Variants in PHKG1 observed in about 807,000 individuals in gnomAD.
PHKG1 encodes the protein phosphorylase b kinase gamma catalytic chain, skeletal muscle/heart isoform.
A neutral mutation model predicts 50.5 loss-of-function variants in PHKG1; 48 were observed. That is an observed-to-expected ratio of 0.95 (90% CI 0.75 to 1.21). The LOEUF (loss-of-function observed/expected upper bound fraction) is 1.21. PHKG1 is among the 50% of genes most tolerant of loss of function. The pLI is 0.00. For missense variants in PHKG1, 487 were observed against 519.5 expected (o/e 0.94, Z 0.61); for synonymous variants, 204 against 212.8 (o/e 0.96, Z 0.36).
intron 4 of PHKG1, among the ~76,000 whole-genome samples, chr7:56,086,248 G>A (rs887321203): frequency 2.6e-5 from 4 of 151,902 alleles, no homozygotes; most frequent in Non-Finnish European, 5.9e-5. Flanking sequence ...ACCCCCAGTG[G>A]ATGCCTGAAA....
intron 4 of PHKG1, among the ~76,000 whole-genome samples, chr7:56,086,143 C>G (rs1447536873): frequency 6.6e-6 from 1 of 151,600 alleles, no homozygotes; most frequent in African/African-American, 2.4e-5. Flanking sequence ...CCTGACCACT[C>G]GGTCTAAGGA....
At chr7:56,082,140 T>G in intron 7 of PHKG1, 23 bp downstream of exon 7, 3 of 1,611,822 alleles carry the variant, frequency 1.9e-6, no homozygotes, top group Non-Finnish European at 1.7e-6. Context: ...AGCTGGGTGC[T>G]CCTCCTTTCC....
At chr7:56,087,096 C>G in intron 3 of PHKG1, 72 bp from the exon 4 acceptor site, 1 of 1,173,040 alleles carries the variant, frequency 8.5e-7, no homozygotes, top group Non-Finnish European at 1.3e-6. Flanking sequence ...GCACGGGGGT[C>G]AGGGACCGAG....
chr7:56,082,281 G>A (rs1796042155), intron 6 of PHKG1, 28 bp from the exon 7 acceptor site: 1 of 1,565,044 alleles, frequency 6.4e-7, no homozygotes, highest in Non-Finnish European at 8.8e-7. Flanking sequence ...ATCAGGGCAG[G>A]TCAGCAGGGC....
intron 4 of PHKG1, chr7:56,083,999 CT>C (rs1796142735): frequency 1.6e-6 from 1 of 615,512 alleles, no homozygotes; most frequent in Admixed American, 2.9e-5. Flanking sequence ...AATTTTTCCC[CT>C]GGAAAAATTT....
chr7:56,089,013 A>G (rs1796387458), intron 1 of PHKG1, 38 bp from the exon 2 acceptor site: 1 of 996,192 alleles, frequency 1.0e-6, no homozygotes, highest in Non-Finnish European at 1.6e-6. Flanking sequence ...AGCCTTCCTG[A>G]CCCAGGGGCT....
At chr7:56,085,996 T>C (rs1457154890) in intron 4 of PHKG1, among the ~76,000 whole-genome samples, 1 of 147,468 alleles carries the variant, frequency 6.8e-6, no homozygotes, top group Non-Finnish European at 1.5e-5. Flanking sequence ...AAAAAGTAAA[T>C]CAGATCATGT....
At chr7:56,087,075 G>A (rs1204651492) in intron 3 of PHKG1, 51 bp from the exon 4 acceptor site, 1 of 1,423,236 alleles carries the variant, frequency 7.0e-7, no homozygotes, top group Non-Finnish European at 9.9e-7. Context: ...GCCCAGGCAG[G>A]GGCAGCCGGG....
intron 4 of PHKG1, among the ~76,000 whole-genome samples, chr7:56,085,241 G>A (rs937783967): frequency 2.0e-5 from 3 of 152,010 alleles, no homozygotes; most frequent in African/African-American, 7.2e-5. Flanking sequence ...GATTACAGGG[G>A]TGAACCACCA....
chr7:56,086,327 TAA>T (rs933277519), intron 4 of PHKG1, among the ~76,000 whole-genome samples: 4 of 152,044 alleles, frequency 2.6e-5, no homozygotes, highest in African/African-American at 7.2e-5. Context: ...ATGAAGTTTA[TAA>T]GTTAGGCACA....
At chr7:56,084,109 G>C in intron 4 of PHKG1, 1 of 1,121,184 alleles carries the variant, frequency 8.9e-7, no homozygotes, top group Non-Finnish European at 1.3e-6. Context: ...AGTGACCAGG[G>C]AAGCAATGGG....
rs369534140 is a variant in PHKG1, at chr7:56,081,012, C to T, written c.*42G>A. The stretch of plus-strand genomic sequence containing the variant: ...TTTGACTTGTATTTCCATGGCTTCC[C>T]CTCCCCACCTGCCCCCTAGCCCTCC... On this transcript the variant is annotated 3_prime_UTR_variant, in exon 10 of 10. Coordinates refer to ENST00000297373, the MANE Select transcript of PHKG1 (RefSeq NM_006213.5). The surrounding 1 kb of genome is among the most constrained non-coding windows in gnomAD (Gnocchi z 4.6). 39 of 1,606,088 alleles carry T rather than the reference C, an allele frequency of 2.4e-5. No homozygotes were observed. The Middle Eastern group carries it at 6.7e-4, about 28-fold the overall frequency.
intron 4 of PHKG1, 90 bp downstream of exon 4, chr7:56,086,880 G>C: frequency 3.2e-6 from 3 of 947,756 alleles, no homozygotes; most frequent in Non-Finnish European, 5.2e-6. Context: ...GCAGGAGCTG[G>C]CTGTGGTCTC....
chr7:56,090,325 G>A (rs943533199), intron 1 of PHKG1, among the ~76,000 whole-genome samples: 63 of 151,574 alleles, frequency 4.2e-4, no homozygotes, highest in African/African-American at 1.5e-3. Context: ...CATGTTGGCC[G>A]GGATGGTCTC....
Position 56,081,239 on chromosome 7 carries a change from G to C in PHKG1, c.979C>G (p.Pro327Ala), listed in dbSNP as rs566122392. ...CGGATGACGATCTCCCGGGTCACAG[G>C]CTTCACCCGGCGGTACTGGTAGTAG... is the stretch of plus-strand genomic sequence containing the variant. ...RIYYQYRRVK[P>A]VTREIVIRDP... Residue 327 changes from proline (P) to alanine (A), a missense_variant, in exon 10 of 10, where the codon CCT (proline) becomes GCT (alanine). Transcript: ENST00000297373. The surrounding 1 kb of genome is among the most constrained non-coding windows in gnomAD (Gnocchi z 4.6). The C allele has an allele frequency of 5.6e-6, 9 of 1,613,400 alleles. No individual in the cohort carries two copies. The East Asian group carries it at 6.7e-5, about 12-fold the overall frequency.
intron 5 of PHKG1, 26 bp downstream of exon 5, chr7:56,083,624 G>A (rs757507950): frequency 4.9e-5 from 77 of 1,561,874 alleles, no homozygotes; most frequent in East Asian, 1.2e-4. Flanking sequence ...GGGAGGGAGC[G>A]GAGAGAAGGG....
At chr7:56,091,328 A>G (rs997752539) in intron 1 of PHKG1, among the ~76,000 whole-genome samples, 1 of 152,120 alleles carries the variant, frequency 6.6e-6, no homozygotes, top group African/African-American at 2.4e-5. Flanking sequence ...CATCCTGGCT[A>G]ACACGGTGAA....
Position 56,081,483 on chromosome 7 carries a change from T to C in PHKG1, c.918+147A>G. The C allele has an allele frequency of 8.1e-7, 1 of 1,227,452 alleles. No homozygotes were observed. Among genetic ancestry groups the C allele is most frequent in the Non-Finnish European group, 1.1e-6 (1 of 874,266 alleles). 76.0% of individuals were successfully genotyped at this position (1,227,452 alleles called of 1,614,324 possible). Reference sequence around the variant, plus strand: ...GGGACCGAGCCAGTGGGCTGACACCTGCCGTCTTTGAAGCCATCACAGGGC... The same window carrying C: ...GGGACCGAGCCAGTGGGCTGACACCCGCCGTCTTTGAAGCCATCACAGGGC... On this transcript the variant is annotated intron_variant, in intron 9 of 9. Transcript: ENST00000297373. The surrounding 1 kb of genome is among the most constrained non-coding windows in gnomAD (Gnocchi z 4.6).
chr7:56,087,227 ATTAT>A (rs1796294816), intron 3 of PHKG1, among the ~76,000 whole-genome samples: 1 of 147,648 alleles, frequency 6.8e-6, no homozygotes, highest in Admixed American at 6.8e-5. Context: ...TATTATTATT[ATTAT>A]TATTATTAGA....
Sources: gnomAD v4.1 joint callset for allele counts (sites outside exome capture counted in the v4.1 genomes callset) on GRCh38, gnomAD v4.1.1 for gene constraint, Gnocchi (gnomAD v3.1) non-coding constraint, MANE v1.5 for transcripts, NCBI Gene and HGNC (gene_info 2026-07-23, HGNC 2026-07-21) for gene names.